FAM193A: variants seen among roughly 807,000 people sequenced by gnomAD.
FAM193A encodes the protein protein FAM193A.
FAM193A carries 22 observed loss-of-function variants against 126.5 expected under a neutral mutation model. The ratio of observed to expected loss-of-function variants is 0.17; its 90% CI spans 0.12 to 0.25. The LOEUF is 0.25. Among genes scored for constraint, FAM193A ranks in the 10% least tolerant of loss-of-function variants. FAM193A has a pLI of 1.00. For synonymous variants in FAM193A, 761 were observed against 646.8 expected, an observed-to-expected ratio of 1.18 and a Z score of -2.68; for missense variants, 1,675 against 1,672.8, an observed-to-expected ratio of 1.00 and a Z score of -0.02.
Position 2,690,684 on chromosome 4 carries a change from GTTC to G in FAM193A, c.2531-8_2531-6del, listed in dbSNP as rs1716269970. 2 of 1,599,236 alleles carry G rather than the reference GTTC, an allele frequency of 1.3e-6. No homozygotes were observed. The highest frequency in any genetic ancestry group is 1.7e-6 in the Non-Finnish European group (2 of 1,173,566). ...TGCTGTCAGAAGCCTTAATTTTCCT[GTTC>G]TTCTTTGAAGGGAGTGAAATATTAG... On this transcript the variant is annotated splice_polypyrimidine_tract_variant and intron_variant, in intron 14 of 20. Transcript: ENST00000637812.
intron 1 of FAM193A, among the ~76,000 whole-genome samples, chr4:2,570,526 C>T (rs1739230104): frequency 6.6e-6 from 1 of 152,180 alleles, no homozygotes; most frequent in South Asian, 2.1e-4. Context: ...CTGTTACCCT[C>T]CTTGCAGAGG....
At position 2,663,208 on chromosome 4, in the gene FAM193A, G is replaced by A. The variant is rs1266310827; in HGVS notation, c.1999G>A (p.Asp667Asn). ...GGAGCCCCCAGGGGCCCCGAAGGAAGATGGAGTGCTGGGAAGCAGGAGCCC... is the reference window on the plus strand; with the variant it reads ...GGAGCCCCCAGGGGCCCCGAAGGAAAATGGAGTGCTGGGAAGCAGGAGCCC... ...SGEPPGAPKE[D>N]GVLGSRSPRT... Residue 667 changes from aspartate to asparagine, a missense_variant, in exon 12 of 21, where the codon GAT becomes AAT. Around this residue, in one of 4 missense-constraint regions of FAM193A, gnomAD observed 1,186 missense variants for 1,109.2 expected, o/e 1.07. Transcript: ENST00000637812. The A allele has an allele frequency of 1.2e-6, 2 of 1,614,158 alleles. No individual in the cohort carries two copies. The highest frequency in any genetic ancestry group is 1.7e-5 in the Admixed American group (1 of 60,024).
At chr4:2,595,965 T>C (rs1375698244) in intron 1 of FAM193A, 119 bp from the exon 2 acceptor site, 1 of 591,312 alleles carries the variant, frequency 1.7e-6, no homozygotes, top group Non-Finnish European at 3.0e-6. Flanking sequence ...CATTTCCTAT[T>C]TTATGTTTCT....
At chr4:2,692,194 G>A (rs1039762941) in intron 15 of FAM193A, among the ~76,000 whole-genome samples, 6 of 152,150 alleles carry the variant, frequency 3.9e-5, no homozygotes, top group African/African-American at 1.4e-4. Flanking sequence ...GGCTAGGGAG[G>A]CTTCAGGAAA....
At position 2,587,728 on chromosome 4, in the gene FAM193A, A is replaced by G. The variant is rs1046470806; in HGVS notation, c.256-8356A>G. ...ATAAAAGAAAAAGAAAAAAATTTTG[A>G]AAAGAAAGAGCTGGGGTGGACAACT... On this transcript the variant is annotated intron_variant, in intron 1 of 20. Transcript: ENST00000637812. 3.9e-5 allele frequency among the ~76,000 whole-genome samples: 6 copies of G among 152,246 alleles called. No homozygotes were observed. The East Asian group carries it at 7.7e-4, about 20-fold the overall frequency.
At chr4:2,692,205 T>C (rs867677260) in intron 15 of FAM193A, among the ~76,000 whole-genome samples, 57 of 152,138 alleles carry the variant, frequency 3.7e-4, no homozygotes, top group African/African-American at 1.4e-3. Flanking sequence ...CTTCAGGAAA[T>C]TTACAATCAT....
At chr4:2,558,562 G>T (rs1185267625) in intron 1 of FAM193A, among the ~76,000 whole-genome samples, 1 of 152,038 alleles carries the variant, frequency 6.6e-6, no homozygotes, top group Non-Finnish European at 1.5e-5. Context: ...AAATTTTTCT[G>T]GGGGGGATGA....
chr4:2,641,424 C>T (rs540473386), intron 6 of FAM193A, among the ~76,000 whole-genome samples: 56 of 151,904 alleles, frequency 3.7e-4, no homozygotes, highest in African/African-American at 1.3e-3. Flanking sequence ...TTTGGGAGGC[C>T]GAGGCGGGCA....
At chr4:2,680,490 T>G (rs1016189793) in intron 13 of FAM193A, among the ~76,000 whole-genome samples, 2 of 152,034 alleles carry the variant, frequency 1.3e-5, no homozygotes, top group Non-Finnish European at 2.9e-5. Context: ...CAGCTAATTT[T>G]TTTTTTATTG....
intron 6 of FAM193A, among the ~76,000 whole-genome samples, chr4:2,640,276 C>T (rs16843178): frequency 0.029 from 4,366 of 152,202 alleles, 222 homozygotes; most frequent in African/African-American, 0.099. Flanking sequence ...CCACACATTC[C>T]GTTGCTACCC....
At chr4:2,708,182 A>G (rs1056871964) in intron 19 of FAM193A, 8 of 449,014 alleles carry the variant, frequency 1.8e-5, no homozygotes, top group African/African-American at 4.0e-5. Context: ...CTGGGGTACA[A>G]TGGTGCAATC....
intron 5 of FAM193A, among the ~76,000 whole-genome samples, chr4:2,637,621 C>G (rs1331310232): frequency 6.6e-6 from 1 of 152,214 alleles, no homozygotes; most frequent in Non-Finnish European, 1.5e-5. Context: ...CACTGACAAG[C>G]CTTTCTGCCT....
At chr4:2,675,083 A>AT (rs1714244877) in intron 13 of FAM193A, among the ~76,000 whole-genome samples, 1 of 152,192 alleles carries the variant, frequency 6.6e-6, no homozygotes, top group Non-Finnish European at 1.5e-5. Context: ...TTCTACTTTA[A>AT]TTCCATTGTG....
chr4:2,683,842 A>C (rs1181359749), intron 13 of FAM193A, among the ~76,000 whole-genome samples: 2 of 151,798 alleles, frequency 1.3e-5, no homozygotes, highest in African/African-American at 4.8e-5. Context: ...TCTATTGGGG[A>C]TATTGTTTCT....
At position 2,630,974 on chromosome 4, in the gene FAM193A, G is replaced by A. The variant is rs763059861; in HGVS notation, c.843G>A (p.Leu281=). 2.5e-6 allele frequency: 4 copies of A among 1,613,138 alleles called. No individual in the cohort carries two copies. In the South Asian group the frequency reaches 3.3e-5, roughly 13 times the overall value. ...ERDPYQLYQR[L]EQQAREYVLE... is the part of the protein sequence containing the mutation. The stretch of plus-strand genomic sequence containing the variant: ...ACCCCTACCAGCTGTACCAGCGTCT[G>A]GAACAGCAAGCTCGAGAGTATGTGC... Residue 281 remains leucine (L), a synonymous_variant, in exon 5 of 21, where the codon CTG becomes CTA. Coordinates refer to ENST00000637812, the MANE Select transcript of FAM193A (RefSeq NM_001366318.2).
chr4:2,663,336 A>G (rs748269148), intron 12 of FAM193A, 48 bp downstream of exon 12: 17 of 1,443,188 alleles, frequency 1.2e-5, no homozygotes, highest in South Asian at 1.4e-5. Flanking sequence ...TTCTGTGTGT[A>G]TTTTCTCTAA....
At chr4:2,684,463 A>T (rs1715500535) in intron 13 of FAM193A, among the ~76,000 whole-genome samples, 1 of 148,444 alleles carries the variant, frequency 6.7e-6, no homozygotes, top group Admixed American at 6.7e-5. Flanking sequence ...ACACATAGTT[A>T]CTCTGTGTTT....
intron 1 of FAM193A, among the ~76,000 whole-genome samples, chr4:2,585,554 A>G (rs139059192): frequency 2.8e-3 from 426 of 152,224 alleles, no homozygotes; most frequent in African/African-American, 7.8e-3. Flanking sequence ...GTCAAGTTGT[A>G]TATCTTTTTC....
intron 5 of FAM193A, among the ~76,000 whole-genome samples, chr4:2,636,133 G>T (rs1359679812): frequency 6.6e-6 from 1 of 150,972 alleles, no homozygotes; most frequent in Non-Finnish European, 1.5e-5. Flanking sequence ...TCATGATCTC[G>T]GCTCACTGCA....
Sources: gnomAD v4.1 joint callset for allele counts (sites outside exome capture counted in the v4.1 genomes callset) on GRCh38, gnomAD v4.1.1 for gene constraint, gnomAD v4.1.1 regional missense constraint, MANE v1.5 for transcripts, NCBI Gene and HGNC (gene_info 2026-07-23, HGNC 2026-07-21) for gene names.